LHFPL3: variants seen among roughly 807,000 people sequenced by gnomAD.
LHFPL3 encodes LHFPL tetraspan subfamily member 3 protein.
A neutral mutation model predicts 19.3 loss-of-function variants in LHFPL3; 5 were observed. That is an observed-to-expected ratio of 0.26 (90% CI 0.14 to 0.54). LHFPL3 has a LOEUF of 0.54. Ranked by LOEUF, LHFPL3 falls within the 20% of genes least tolerant of loss-of-function variation. LHFPL3 has a pLI of 0.94. For missense variants in LHFPL3, 249 were observed against 307.4 expected (o/e 0.81, Z 1.42); for synonymous variants, 133 against 126.2 (o/e 1.05, Z -0.36).
At chr7:104,869,083 G>C (rs1360001220) in intron 2 of LHFPL3, among the ~76,000 whole-genome samples, 1 of 151,870 alleles carries the variant, frequency 6.6e-6, no homozygotes, top group Non-Finnish European at 1.5e-5. Context: ...ATTCAAGATG[G>C]ATTAAAGACT....
rs529424735 is a variant in LHFPL3, at chr7:104,715,176, G to C, written c.446-21499G>C. On this transcript the variant is annotated intron_variant, in intron 1 of 2. Transcript: ENST00000424859. ...ATAAGCTAGGAATGGTGCTGCCACT[G>C]CACTCTAACCTGAACGACAGAGCAA... Among the ~76,000 whole-genome samples, 46 of 152,174 alleles carry C rather than the reference G, an allele frequency of 3.0e-4. 2 individuals carry two copies. The South Asian group carries it at 8.9e-3, about 30-fold the overall frequency.
intron 1 of LHFPL3, among the ~76,000 whole-genome samples, chr7:104,379,476 T>G (rs7798273): frequency 0.35 from 52,680 of 152,084 alleles, 9,448 homozygotes; most frequent in Admixed American, 0.49. Context: ...ATGGGGTCTC[T>G]TAAGGATAAT....
chr7:104,690,007 TAAA>T, intron 1 of LHFPL3, among the ~76,000 whole-genome samples: 1 of 151,580 alleles, frequency 6.6e-6, no homozygotes, highest in Admixed American at 6.6e-5. Flanking sequence ...TGCCTCTACC[TAAA>T]AAAAAATAGT....
chr7:104,835,680 CA>C (rs1204984585), intron 2 of LHFPL3, among the ~76,000 whole-genome samples: 15 of 150,668 alleles, frequency 1.0e-4, no homozygotes, highest in South Asian at 2.1e-4. Flanking sequence ...AAAATTGTAT[CA>C]AATTCTTCAT....
At chr7:104,861,506 A>G (rs1255379660) in intron 2 of LHFPL3, among the ~76,000 whole-genome samples, 1 of 152,126 alleles carries the variant, frequency 6.6e-6, no homozygotes, top group Non-Finnish European at 1.5e-5. Context: ...GACTTGGGAG[A>G]ACCTTGGAGG....
chr7:104,659,513 G>A (rs1792183519), intron 1 of LHFPL3, among the ~76,000 whole-genome samples: 1 of 152,138 alleles, frequency 6.6e-6, no homozygotes, highest in Non-Finnish European at 1.5e-5. Context: ...CATAATATAT[G>A]GTATAGCCAC....
chr7:104,558,697 G>C (rs1789917505), intron 1 of LHFPL3, among the ~76,000 whole-genome samples: 1 of 150,894 alleles, frequency 6.6e-6, no homozygotes, highest in Non-Finnish European at 1.5e-5. Flanking sequence ...GATCCCATTT[G>C]TTAATTTTGG....
At chr7:104,687,901 G>A (rs781059427) in intron 1 of LHFPL3, among the ~76,000 whole-genome samples, 4 of 152,152 alleles carry the variant, frequency 2.6e-5, no homozygotes, top group Non-Finnish European at 4.4e-5. Flanking sequence ...AAATTTAGTC[G>A]CATTATAGAA....
intron 2 of LHFPL3, among the ~76,000 whole-genome samples, chr7:104,878,680 C>G (rs1791992542): frequency 6.6e-6 from 1 of 152,160 alleles, no homozygotes; most frequent in African/African-American, 2.4e-5. Context: ...ACCTCTTTCA[C>G]TTGAAATCAA....
intron 1 of LHFPL3, among the ~76,000 whole-genome samples, chr7:104,602,592 T>C (rs1373065196): frequency 6.6e-6 from 1 of 152,234 alleles, no homozygotes; most frequent in East Asian, 1.9e-4. Flanking sequence ...AAAGTTCCCA[T>C]AATTAAACCT....
At chr7:104,578,305 T>G (rs955603421) in intron 1 of LHFPL3, among the ~76,000 whole-genome samples, 3 of 152,212 alleles carry the variant, frequency 2.0e-5, no homozygotes, top group Non-Finnish European at 4.4e-5. Flanking sequence ...TTTATAATCC[T>G]TATCATTTTC....
intron 1 of LHFPL3, among the ~76,000 whole-genome samples, chr7:104,547,960 T>G (rs1423545228): frequency 6.6e-6 from 1 of 152,156 alleles, no homozygotes; most frequent in Non-Finnish European, 1.5e-5. Context: ...ACAAGTTAGA[T>G]CTCACCTATT....
At position 104,843,092 on chromosome 7, in the gene LHFPL3, T is replaced by TA. The variant is rs141728667; in HGVS notation, c.683-63093dup. ...ATGAAGCTGCCATTCCTGGCAGCCC[T>TA]AACCCCTTCCTGCAGCGTGGGGCAA... On this transcript the variant is annotated intron_variant, in intron 2 of 2. Transcript: ENST00000424859. Among the ~76,000 whole-genome samples, 1,418 of 152,312 alleles carry TA rather than the reference T, an allele frequency of 9.3e-3. 18 individuals are homozygous for TA. The highest frequency in any genetic ancestry group is 0.033 in the African/African-American group (1,353 of 41,562).
intron 2 of LHFPL3, among the ~76,000 whole-genome samples, chr7:104,772,041 G>T (rs1219575778): frequency 1.3e-5 from 2 of 151,718 alleles, no homozygotes; most frequent in Non-Finnish European, 2.9e-5. Context: ...GAATGGTCTC[G>T]ATCTCTTGAC....
intron 1 of LHFPL3, among the ~76,000 whole-genome samples, chr7:104,511,538 C>T (rs1040008229): frequency 6.6e-6 from 1 of 152,186 alleles, no homozygotes; most frequent in Non-Finnish European, 1.5e-5. Context: ...CAGCTTCATT[C>T]ATAATAACCA....
intron 2 of LHFPL3, among the ~76,000 whole-genome samples, chr7:104,772,554 C>T (rs1794571926): frequency 6.6e-6 from 1 of 152,216 alleles, no homozygotes; most frequent in African/African-American, 2.4e-5. Flanking sequence ...TCTGATGCCA[C>T]CCCAGCTCAG....
At chr7:104,596,031 C>A (rs747215597) in intron 1 of LHFPL3, among the ~76,000 whole-genome samples, 1 of 152,190 alleles carries the variant, frequency 6.6e-6, no homozygotes, top group Non-Finnish European at 1.5e-5. Context: ...GAGACAATAC[C>A]CCACCCTGCT....
At chr7:104,369,463 G>A (rs1231023958) in intron 1 of LHFPL3, among the ~76,000 whole-genome samples, 1 of 152,098 alleles carries the variant, frequency 6.6e-6, no homozygotes, top group Non-Finnish European at 1.5e-5. Context: ...TTTTGTTTAT[G>A]ATTCTCCCAG....
rs1333540754 is a variant in LHFPL3, at chr7:104,755,601, C to CACACACACACAG, written c.682+18691_682+18692insCACACACACAGA. On this transcript the variant is annotated intron_variant, in intron 2 of 2. Transcript: ENST00000424859. ...ACACCACCACACACACACACACACACAGAGAGAAACACCCACATATATTAA... is the reference window on the plus strand; with the variant it reads ...ACACCACCACACACACACACACACACACACACACACAGAGAGAGAAACACCCACATATATTAA... Among the ~76,000 whole-genome samples, 6 of 151,600 alleles carry CACACACACACAG rather than the reference C, an allele frequency of 4.0e-5. No individual in the cohort carries two copies. The South Asian group carries it at 1.3e-3, about 32-fold the overall frequency.
Sources: gnomAD v4.1 joint callset for allele counts (sites outside exome capture counted in the v4.1 genomes callset) on GRCh38, gnomAD v4.1.1 for gene constraint, MANE v1.5 for transcripts, NCBI Gene and HGNC (gene_info 2026-07-23, HGNC 2026-07-21) for gene names.